The following EBF1 variants were observed in gnomAD, a reference collection of about 807,000 sequenced individuals.
EBF1 encodes the protein transcription factor COE1.
Under a neutral mutation model 68.4 loss-of-function variants are expected in EBF1, and 10 were observed. That is an observed-to-expected ratio of 0.15 (90% CI 0.09 to 0.25). The LOEUF is 0.25. Ranked by LOEUF, EBF1 falls within the 10% of genes least tolerant of loss-of-function variation. EBF1 has a pLI of 1.00. For synonymous variants in EBF1, 298 were observed against 299.8 expected (o/e 0.99, Z 0.06); for missense variants, 509 against 794.4 (o/e 0.64, Z 4.32).
At chr5:159,033,121 C>T (rs888702743) in intron 6 of EBF1, among the ~76,000 whole-genome samples, 4 of 152,078 alleles carry the variant, frequency 2.6e-5, no homozygotes, top group African/African-American at 9.7e-5. Context: ...AATGTAATGC[C>T]CAAATTCACA....
At chr5:158,734,161 G>A (rs1764692975) in intron 10 of EBF1, among the ~76,000 whole-genome samples, 2 of 152,164 alleles carry the variant, frequency 1.3e-5, no homozygotes, top group Admixed American at 6.5e-5. Flanking sequence ...AAGAAAATAT[G>A]TCTGTGTATA....
intron 3 of EBF1, 31 bp from the exon 4 acceptor site, chr5:159,095,706 A>G (rs1165687270): frequency 3.1e-6 from 5 of 1,612,330 alleles, no homozygotes; most frequent in Admixed American, 1.7e-5. Context: ...AGGGAGGAGA[A>G]TTAAGTGAGA....
chr5:158,701,237 A>G (rs1756703351), intron 15 of EBF1, among the ~76,000 whole-genome samples: 1 of 152,196 alleles, frequency 6.6e-6, no homozygotes, highest in Admixed American at 6.5e-5. Flanking sequence ...TCCCTATAGT[A>G]TAGTCACACA....
At chr5:158,797,311 G>T (rs1779766319) in intron 8 of EBF1, among the ~76,000 whole-genome samples, 1 of 152,192 alleles carries the variant, frequency 6.6e-6, no homozygotes, top group Non-Finnish European at 1.5e-5. Flanking sequence ...GAATTGCTGG[G>T]CATAAATGTA....
In EBF1 at chr5:159,084,677, C is replaced by T. The variant is rs760458653; in HGVS notation, c.474G>A (p.Glu158=). 3 of 1,592,670 alleles carry T rather than the reference C, an allele frequency of 1.9e-6. No individual in the cohort carries two copies. The South Asian group carries it at 3.4e-5, about 18-fold the overall frequency. The part of the protein sequence containing the change: ...PEMCRVLLTH[E]IMCSRCCDKK... ...AAGATATTTCTTACCTGCACATGATCTCATGTGTGAGCAAGACTCGGCACA... is the reference window on the plus strand; with the variant it reads ...AAGATATTTCTTACCTGCACATGATTTCATGTGTGAGCAAGACTCGGCACA... The change falls in exon 5 of 16, where the codon GAG becomes GAA. Residue 158 remains glutamate, a synonymous_variant. Coordinates refer to ENST00000313708, the MANE Select transcript of EBF1 (RefSeq NM_024007.5).
chr5:159,087,964 A>G (rs1167520221), intron 4 of EBF1, among the ~76,000 whole-genome samples: 1 of 152,170 alleles, frequency 6.6e-6, no homozygotes, highest in Non-Finnish European at 1.5e-5. Flanking sequence ...TTTTCAGCAC[A>G]TAAAGGCAGA....
chr5:158,921,470 G>A (rs1362893863), intron 6 of EBF1, among the ~76,000 whole-genome samples: 1 of 152,136 alleles, frequency 6.6e-6, no homozygotes, highest in Non-Finnish European at 1.5e-5. Flanking sequence ...GGCTATTTTG[G>A]CATTTGGAGA....
intron 10 of EBF1, among the ~76,000 whole-genome samples, chr5:158,765,288 C>T (rs1468003403): frequency 6.6e-6 from 1 of 152,112 alleles, no homozygotes; most frequent in Non-Finnish European, 1.5e-5. Flanking sequence ...ACAGATTATT[C>T]AGAGACACTC....
chr5:158,720,623 T>G (rs1394496300), intron 11 of EBF1, among the ~76,000 whole-genome samples: 1 of 152,162 alleles, frequency 6.6e-6, no homozygotes, highest in Non-Finnish European at 1.5e-5. Flanking sequence ...TAGAGCTTAG[T>G]GCAGATCATT....
intron 11 of EBF1, among the ~76,000 whole-genome samples, chr5:158,730,228 A>C (rs1379284980): frequency 6.6e-6 from 1 of 152,224 alleles, no homozygotes; most frequent in Admixed American, 6.5e-5. Context: ...CTGTACTTTG[A>C]ACTTCCTTCG....
At chr5:158,735,205 A>G (rs1307390818) in intron 10 of EBF1, among the ~76,000 whole-genome samples, 2 of 152,188 alleles carry the variant, frequency 1.3e-5, no homozygotes, top group Non-Finnish European at 2.9e-5. Flanking sequence ...CTCTACTTGC[A>G]GAGCTGGGAT....
At chr5:158,717,711 C>T (rs989061206) in intron 11 of EBF1, among the ~76,000 whole-genome samples, 1 of 152,006 alleles carries the variant, frequency 6.6e-6, no homozygotes, top group East Asian at 1.9e-4. Flanking sequence ...CCAGAGTCTC[C>T]TTGTAGAGGT....
chr5:158,758,352 A>C (rs1281907069), intron 10 of EBF1, among the ~76,000 whole-genome samples: 1 of 152,192 alleles, frequency 6.6e-6, no homozygotes, highest in African/African-American at 2.4e-5. Flanking sequence ...AATTAAAAAG[A>C]AGCACACAAC....
chr5:158,698,891 C>A lies in EBF1; in HGVS notation c.*220G>T. ...ACAGAATAAATATATCCCCCAAATACTTGGGAGGTACAACTTTAACCAACA... is the reference window on the plus strand; with the variant it reads ...ACAGAATAAATATATCCCCCAAATAATTGGGAGGTACAACTTTAACCAACA... On this transcript the variant is annotated 3_prime_UTR_variant, in exon 16 of 16. Coordinates refer to ENST00000313708, the MANE Select transcript of EBF1 (RefSeq NM_024007.5). The A allele has an allele frequency of 4.7e-6, 2 of 429,292 alleles. No individual in the cohort carries two copies. The highest frequency in any genetic ancestry group is 8.3e-6 in the Non-Finnish European group (2 of 240,734). 26.6% of individuals were successfully genotyped at this position (429,292 alleles called of 1,614,324 possible).
At chr5:159,020,301 A>T (rs1766418710) in intron 6 of EBF1, among the ~76,000 whole-genome samples, 1 of 152,152 alleles carries the variant, frequency 6.6e-6, no homozygotes. Flanking sequence ...GTGGAAAGGC[A>T]CATAGATTGA....
intron 6 of EBF1, among the ~76,000 whole-genome samples, chr5:158,990,250 C>A (rs1239915416): frequency 6.6e-6 from 1 of 152,140 alleles, no homozygotes; most frequent in Non-Finnish European, 1.5e-5. Context: ...GGGGACATCC[C>A]AGGGAAACCA....
At chr5:159,076,357 C>A (rs989933457) in intron 5 of EBF1, among the ~76,000 whole-genome samples, 10 of 152,088 alleles carry the variant, frequency 6.6e-5, no homozygotes, top group African/African-American at 1.9e-4. Context: ...AAGGAAGGTG[C>A]ACCTCATCCC....
chr5:159,076,098 T>C (rs567966200), intron 5 of EBF1, among the ~76,000 whole-genome samples: 3 of 152,302 alleles, frequency 2.0e-5, no homozygotes, highest in South Asian at 4.1e-4. Flanking sequence ...TATGTGTGTG[T>C]ATTTTTTGTT....
intron 6 of EBF1, among the ~76,000 whole-genome samples, chr5:158,913,281 T>G (rs1398697681): frequency 6.6e-6 from 1 of 152,244 alleles, no homozygotes; most frequent in East Asian, 1.9e-4. Flanking sequence ...AAATTAAATT[T>G]TTTAAAACTT....
Sources: gnomAD v4.1 joint callset for allele counts (sites outside exome capture counted in the v4.1 genomes callset) on GRCh38, gnomAD v4.1.1 for gene constraint, MANE v1.5 for transcripts, NCBI Gene and HGNC (gene_info 2026-07-23, HGNC 2026-07-21) for gene names.